The following FAM219A variants were observed in gnomAD, a reference collection of about 807,000 sequenced individuals.
FAM219A encodes protein FAM219A.
Under a neutral mutation model 23.4 loss-of-function variants are expected in FAM219A, and 7 were observed. The observed-to-expected ratio is 0.30, with a 90% CI of 0.17 to 0.56. FAM219A has a LOEUF of 0.56. Ranked by LOEUF, FAM219A falls within the 20% of genes least tolerant of loss-of-function variation. FAM219A has a pLI of 0.92. For missense variants in FAM219A, 166 were observed against 246.9 expected (o/e 0.67, Z 2.20); for synonymous variants, 93 against 99.0 (o/e 0.94, Z 0.36).
chr9:34,458,542 T>A lies in FAM219A; in HGVS notation c.-279A>T. 2.6e-6 allele frequency: 1 copy of A among 380,838 alleles called. No homozygotes were observed. The highest frequency in any genetic ancestry group is 4.8e-6 in the Non-Finnish European group (1 of 209,562). The allele number at this position is 380,838 out of a possible 1,614,324, so 23.6% of individuals were successfully genotyped here. On this transcript the variant is annotated 5_prime_UTR_variant, in exon 1 of 6. Transcript: ENST00000651358. The surrounding 1 kb of genome is among the most constrained non-coding windows in gnomAD (Gnocchi z 6.6). The stretch of plus-strand genomic sequence containing the variant: ...CGCCTCCTACTCCGCTGCCGCCTCC[T>A]GTCAGCAGCTCAGCCACTGCGGTGA...
intron 1 of FAM219A, among the ~76,000 whole-genome samples, chr9:34,435,995 G>C (rs1235555050): frequency 6.6e-6 from 1 of 152,012 alleles, no homozygotes; most frequent in Non-Finnish European, 1.5e-5. Flanking sequence ...AGTAGAGATA[G>C]GGTTTCACCA....
chr9:34,443,819 C>T (rs1364749935), intron 1 of FAM219A, among the ~76,000 whole-genome samples: 3 of 152,104 alleles, frequency 2.0e-5, no homozygotes, highest in South Asian at 2.1e-4. Flanking sequence ...CTTCCTGTGA[C>T]TGTCTCTCTG....
intron 1 of FAM219A, among the ~76,000 whole-genome samples, chr9:34,444,103 G>A (rs940686366): frequency 6.6e-5 from 10 of 152,206 alleles, no homozygotes; most frequent in African/African-American, 2.4e-4. Context: ...GCTGGATGCA[G>A]CATGTCAGCT....
rs553807487 is a variant in FAM219A, at chr9:34,426,090, T to A, written c.61-20126A>T. Among the ~76,000 whole-genome samples the A allele has an allele frequency of 4.4e-4, 67 of 152,316 alleles. No homozygotes were observed. In the South Asian group the frequency reaches 0.013, roughly 31 times the overall value. ...GAGGGTTAGTTATAAGGCCTTCACA[T>A]CTGGGCTTCACAGAAGCACAGAATA... On this transcript the variant is annotated intron_variant, in intron 1 of 5. Coordinates refer to ENST00000651358, the MANE Select transcript of FAM219A (RefSeq NM_001184940.2).
At chr9:34,442,472 G>A (rs1240769739) in intron 1 of FAM219A, among the ~76,000 whole-genome samples, 1 of 152,162 alleles carries the variant, frequency 6.6e-6, no homozygotes, top group East Asian at 1.9e-4. Context: ...ATCACCTGAG[G>A]TCAGGGGTTT....
rs1821337957 is a variant in FAM219A at position 34,399,289 on chromosome 9, T to C, written c.*1675A>G. Reference sequence around the variant, plus strand: ...TAGGCTATCTGTGCTTTCATTTTTCTTCACACGGTGGCAGGTCTACACTGC... The same window carrying C: ...TAGGCTATCTGTGCTTTCATTTTTCCTCACACGGTGGCAGGTCTACACTGC... On this transcript the variant is annotated 3_prime_UTR_variant, in exon 6 of 6. Transcript: ENST00000651358. 1 of 152,206 alleles carries C rather than the reference T, an allele frequency of 6.6e-6. No individual in the cohort carries two copies. Among genetic ancestry groups the C allele is most frequent in the Admixed American group, 6.5e-5 (1 of 15,282 alleles). The allele number at this position is 152,206 out of a possible 1,614,324, so 9.4% of individuals were successfully genotyped here.
chr9:34,427,297 A>G (rs1286243258), intron 1 of FAM219A, among the ~76,000 whole-genome samples: 1 of 151,784 alleles, frequency 6.6e-6, no homozygotes, highest in East Asian at 1.9e-4. Context: ...TCAGCCTCCC[A>G]AGTAGCTGGG....
chr9:34,439,642 G>GGTGCAGCAAAAGCATTCC (rs1157859948), intron 1 of FAM219A, among the ~76,000 whole-genome samples: 1 of 152,022 alleles, frequency 6.6e-6, no homozygotes, highest in African/African-American at 2.4e-5. Context: ...AAAGGTAGAA[G>GGTGCAGCAAAAGCATTCC]GTGCAGCAAA....
Position 34,398,391 on chromosome 9 carries a change from T to C in FAM219A, c.*2573A>G. On this transcript the variant is annotated 3_prime_UTR_variant, in exon 6 of 6. Transcript: ENST00000651358. Reference sequence around the variant, plus strand: ...GAGAGGAGGGAGTGTTAAGGCAGTATCTACAAGGGGAAGGGTGGCAGGAGG... The same window carrying C: ...GAGAGGAGGGAGTGTTAAGGCAGTACCTACAAGGGGAAGGGTGGCAGGAGG... 6.5e-7 allele frequency: 1 copy of C among 1,549,810 alleles called. No homozygotes were observed. The highest frequency in any genetic ancestry group is 8.7e-7 in the Non-Finnish European group (1 of 1,146,488).
At chr9:34,447,617 G>A (rs537177642) in intron 1 of FAM219A, among the ~76,000 whole-genome samples, 9 of 152,248 alleles carry the variant, frequency 5.9e-5, no homozygotes, top group African/African-American at 2.2e-4. Context: ...CTGGCTTATG[G>A]GTCTCTTCTT....
chr9:34,430,509 C>T (rs375044477), intron 1 of FAM219A, among the ~76,000 whole-genome samples: 23 of 151,342 alleles, frequency 1.5e-4, no homozygotes, highest in African/African-American at 4.9e-4. Context: ...TGGTGGTGGG[C>T]GCTTGTAGTC....
intron 1 of FAM219A, among the ~76,000 whole-genome samples, chr9:34,439,189 G>GT (rs1186189186): frequency 6.6e-6 from 1 of 152,222 alleles, no homozygotes; most frequent in African/African-American, 2.4e-5. Context: ...TTTAAGAACT[G>GT]TAACACTCAC....
chr9:34,398,590 G>A lies in FAM219A; in HGVS notation c.*2374C>T, dbSNP rs181763314. 5.9e-5 allele frequency: 34 copies of A among 573,494 alleles called. No homozygotes were observed. The African/African-American group carries it at 6.2e-4, about 10-fold the overall frequency. 35.5% of individuals were successfully genotyped at this position (573,494 alleles called of 1,614,324 possible). A position where few individuals can be genotyped will look rare whatever the true frequency, so the allele number is the denominator to read the frequency against. On this transcript the variant is annotated 3_prime_UTR_variant, in exon 6 of 6. Coordinates refer to ENST00000651358, the MANE Select transcript of FAM219A (RefSeq NM_001184940.2). ...AGGGAACTAGTATGTCCTGTGGGGGGGGAGATTTTCCCTGGTGTCTCAGGG... is the reference window on the plus strand; with the variant it reads ...AGGGAACTAGTATGTCCTGTGGGGGAGGAGATTTTCCCTGGTGTCTCAGGG...
At chr9:34,406,386 G>A (rs10115705) in intron 1 of FAM219A, 499,561 of 984,886 alleles carry the variant, frequency 0.51, 127,969 homozygotes, top group Middle Eastern at 0.57. Context: ...GAGAGCAGGT[G>A]CTGTCTGAGA....
At position 34,458,369 on chromosome 9, in the gene FAM219A, T is replaced by G; in HGVS notation, c.-106A>C. ...CCCGGCGGGTGGTGCAGACTAGGCCTCCCCGGACCACTCGGGCGGGCAGGG... is the reference window on the plus strand; with the variant it reads ...CCCGGCGGGTGGTGCAGACTAGGCCGCCCCGGACCACTCGGGCGGGCAGGG... On this transcript the variant is annotated 5_prime_UTR_variant, in exon 1 of 6. Coordinates refer to ENST00000651358, the MANE Select transcript of FAM219A (RefSeq NM_001184940.2). The surrounding 1 kb of genome is among the most constrained non-coding windows in gnomAD (Gnocchi z 6.6). The G allele has an allele frequency of 8.3e-6, 6 of 721,022 alleles. No homozygotes were observed. The highest frequency in any genetic ancestry group is 6.1e-5 in the South Asian group (1 of 16,322). The allele number at this position is 721,022 out of a possible 1,614,324, so 44.7% of individuals were successfully genotyped here.
chr9:34,439,374 T>C (rs766714047), intron 1 of FAM219A, among the ~76,000 whole-genome samples: 1 of 152,140 alleles, frequency 6.6e-6, no homozygotes, highest in East Asian at 1.9e-4. Context: ...CATTCATTCA[T>C]TCAACCAAAA....
chr9:34,426,920 G>C (rs531779759), intron 1 of FAM219A, among the ~76,000 whole-genome samples: 1 of 152,084 alleles, frequency 6.6e-6, no homozygotes, highest in African/African-American at 2.4e-5. Context: ...TAGGAAGATG[G>C]AACAGCAGTT....
chr9:34,415,924 C>A (rs1364895707), intron 1 of FAM219A, among the ~76,000 whole-genome samples: 2 of 152,198 alleles, frequency 1.3e-5, no homozygotes, highest in African/African-American at 4.8e-5. Context: ...GTTCTAGAGC[C>A]TGCCTTACCC....
intron 1 of FAM219A, among the ~76,000 whole-genome samples, chr9:34,418,438 C>G (rs979623930): frequency 6.6e-6 from 1 of 152,178 alleles, no homozygotes; most frequent in African/African-American, 2.4e-5. Context: ...GTAGCTATGG[C>G]TTGGGGGAAG....
Sources: gnomAD v4.1 joint callset for allele counts (sites outside exome capture counted in the v4.1 genomes callset) on GRCh38, gnomAD v4.1.1 for gene constraint, Gnocchi (gnomAD v3.1) non-coding constraint, MANE v1.5 for transcripts, NCBI Gene and HGNC (gene_info 2026-07-23, HGNC 2026-07-21) for gene names.